SCUBE2: variants seen among roughly 807,000 people sequenced by gnomAD.
SCUBE2 encodes the protein signal peptide, CUB and EGF-like domain-containing protein 2.
Under a neutral mutation model 125.9 loss-of-function variants are expected in SCUBE2, and 114 were observed. That is an observed-to-expected ratio of 0.91 (90% CI 0.78 to 1.06). The LOEUF (loss-of-function observed/expected upper bound fraction) is 1.06. Among genes scored for constraint, SCUBE2 ranks in the 50% least tolerant of loss-of-function variants. The probability of loss-of-function intolerance (pLI) is 0.00; values close to 1 mark genes in which losing one functional copy is unlikely to be tolerated. For missense variants in SCUBE2, 1,255 were observed against 1,301.8 expected, an observed-to-expected ratio of 0.96 and a Z score of 0.55; for synonymous variants, 459 against 492.9, an observed-to-expected ratio of 0.93 and a Z score of 0.91.
At chr11:9,047,021 G>A (rs1260402878) in intron 16 of SCUBE2, among the ~76,000 whole-genome samples, 2 of 152,212 alleles carry the variant, frequency 1.3e-5, no homozygotes, top group Non-Finnish European at 2.9e-5. Flanking sequence ...AATTCACCCT[G>A]CTTGGGACCA....
At chr11:9,065,054 A>G (rs759882459) in intron 7 of SCUBE2, 5 of 152,146 alleles carry the variant, frequency 3.3e-5, no homozygotes, top group Non-Finnish European at 5.9e-5. Context: ...GGACACAAAA[A>G]AAGACTAGCT....
At chr11:9,029,784 A>G in intron 19 of SCUBE2, 100 bp downstream of exon 19, 1 of 1,298,558 alleles carries the variant, frequency 7.7e-7, no homozygotes, top group South Asian at 1.3e-5. Flanking sequence ...CATGGTTCTG[A>G]GTGAACCTGG....
At chr11:9,070,956 T>G (rs1370088407) in intron 4 of SCUBE2, among the ~76,000 whole-genome samples, 1 of 152,162 alleles carries the variant, frequency 6.6e-6, no homozygotes, top group Non-Finnish European at 1.5e-5. Flanking sequence ...GGCTGTCAAT[T>G]AACACAGAAA....
intron 2 of SCUBE2, among the ~76,000 whole-genome samples, chr11:9,083,835 C>T (rs1003632126): frequency 6.6e-5 from 10 of 152,216 alleles, no homozygotes; most frequent in Non-Finnish European, 1.3e-4. Context: ...CCACTGCATC[C>T]GGCCTAGAAT....
chr11:9,068,753 G>GT (rs1177875693), intron 5 of SCUBE2, among the ~76,000 whole-genome samples: 5 of 152,194 alleles, frequency 3.3e-5, no homozygotes, highest in Non-Finnish European at 1.5e-5. Context: ...GAAAATGAGT[G>GT]TAATAATACT....
At chr11:9,024,351 G>T in intron 21 of SCUBE2, 1 of 1,277,350 alleles carries the variant, frequency 7.8e-7, no homozygotes, top group Non-Finnish European at 1.0e-6. Flanking sequence ...AGGCATTTGG[G>T]TCCACCCCAA....
intron 22 of SCUBE2, 131 bp from the exon 23 acceptor site, chr11:9,021,328 C>T: frequency 1.6e-6 from 1 of 625,774 alleles, no homozygotes; most frequent in Non-Finnish European, 2.4e-6. Context: ...AAATTGTTTC[C>T]TCTGATTTTT....
chr11:9,054,725 A>ATATATAT (rs1368153935), intron 10 of SCUBE2, among the ~76,000 whole-genome samples: 3 of 22,348 alleles, frequency 1.3e-4, no homozygotes, highest in East Asian at 3.2e-3. Context: ...ATATATATAT[A>ATATATAT]TTTTTTTTTT....
At chr11:9,035,793 C>T (rs1427111428) in intron 16 of SCUBE2, among the ~76,000 whole-genome samples, 1 of 151,918 alleles carries the variant, frequency 6.6e-6, no homozygotes, top group African/African-American at 2.4e-5. Context: ...TTCAATGTAA[C>T]CAATTAATAA....
intron 20 of SCUBE2, chr11:9,027,120 C>T (rs192528844): frequency 3.1e-5 from 16 of 519,456 alleles, no homozygotes; most frequent in Admixed American, 1.9e-4. Flanking sequence ...GGGTCCAAAA[C>T]GCCCCAGTGA....
At chr11:9,055,040 A>G (rs1858943713) in intron 10 of SCUBE2, among the ~76,000 whole-genome samples, 1 of 152,074 alleles carries the variant, frequency 6.6e-6, no homozygotes, top group Non-Finnish European at 1.5e-5. Flanking sequence ...AGCATATCCA[A>G]TCTTCTAAAG....
chr11:9,040,010 T>G (rs1478353958), intron 16 of SCUBE2, among the ~76,000 whole-genome samples: 2 of 151,702 alleles, frequency 1.3e-5, no homozygotes, highest in Non-Finnish European at 2.9e-5. Context: ...ACCACAGGAG[T>G]GTCCGTGGGC....
At chr11:9,085,713 G>A (rs947366994) in intron 2 of SCUBE2, among the ~76,000 whole-genome samples, 4 of 151,924 alleles carry the variant, frequency 2.6e-5, no homozygotes, top group Non-Finnish European at 5.9e-5. Flanking sequence ...GTGACAAAGC[G>A]AGACTGTGTC....
rs530925850 is a variant in SCUBE2, at chr11:9,053,439, T to C, written c.1330+198A>G. Among the ~76,000 whole-genome samples, 88 of 152,368 alleles carry C rather than the reference T, an allele frequency of 5.8e-4. 1 individual carries two copies. In the South Asian group the frequency reaches 0.011, roughly 19 times the overall value. ...AGGAAAACAGAAGTGAGTTCCAACC[T>C]ACACAGAAGCACAGAAGGAAACACC... is the stretch of plus-strand genomic sequence containing the variant. On this transcript the variant is annotated intron_variant, in intron 11 of 22. Coordinates refer to ENST00000649792, the MANE Select transcript of SCUBE2 (RefSeq NM_001367977.2).
rs1299089503 is a variant in SCUBE2, at chr11:9,025,691, G to T, written c.2854+11C>A. 1.9e-6 allele frequency: 3 copies of T among 1,613,794 alleles called. No homozygotes were observed. The highest frequency in any genetic ancestry group is 2.5e-6 in the Non-Finnish European group (3 of 1,179,826). ...GAGACGCTCTTTCCATGTGCTGCAGGCTGTGCTTACCATCATATGTCACGT... is the reference window on the plus strand; with the variant it reads ...GAGACGCTCTTTCCATGTGCTGCAGTCTGTGCTTACCATCATATGTCACGT... On this transcript the variant is annotated intron_variant, in intron 21 of 22. Transcript: ENST00000649792.
chr11:9,025,715 G>A lies in SCUBE2; in HGVS notation c.2841C>T (p.Tyr947=), dbSNP rs551383672. 15 of 1,614,004 alleles carry A rather than the reference G, an allele frequency of 9.3e-6. No homozygotes were observed. The highest frequency in any genetic ancestry group is 4.4e-5 in the South Asian group (4 of 91,066). ...GGCTGTGCTTACCATCATATGTCACGTATGGGACCTGGAACCCTCTAGCGC... is the reference window on the plus strand; with the variant it reads ...GGCTGTGCTTACCATCATATGTCACATATGGGACCTGGAACCCTCTAGCGC... ...GNSARGFQVP[Y]VTYDEDYQEL... is the part of the protein sequence containing the mutation. The change falls in exon 21 of 23, where the codon TAC becomes TAT. Residue 947 remains tyrosine (Y), a synonymous_variant. Coordinates refer to ENST00000649792, the MANE Select transcript of SCUBE2 (RefSeq NM_001367977.2).
intron 7 of SCUBE2, chr11:9,065,294 G>T (rs959186325): frequency 6.6e-6 from 1 of 152,298 alleles, no homozygotes; most frequent in Non-Finnish European, 1.5e-5. Flanking sequence ...GATTATGGGG[G>T]CGGTTCCCAT....
intron 16 of SCUBE2, among the ~76,000 whole-genome samples, chr11:9,043,228 A>C (rs1343173949): frequency 6.6e-6 from 1 of 152,212 alleles, no homozygotes; most frequent in Non-Finnish European, 1.5e-5. Flanking sequence ...CAAGTTTTCA[A>C]AACAACCAAA....
chr11:9,048,680 G>A (rs189888866), intron 14 of SCUBE2, among the ~76,000 whole-genome samples: 167 of 152,316 alleles, frequency 1.1e-3, no homozygotes, highest in African/African-American at 3.8e-3. Flanking sequence ...AAGGCATCTA[G>A]GATGAGAGTG....
Sources: gnomAD v4.1 joint callset for allele counts (sites outside exome capture counted in the v4.1 genomes callset) on GRCh38, gnomAD v4.1.1 for gene constraint, MANE v1.5 for transcripts, NCBI Gene and HGNC (gene_info 2026-07-23, HGNC 2026-07-21) for gene names.